The following CDK5RAP2 variants were observed in gnomAD, a reference collection of about 807,000 sequenced individuals.
CDK5RAP2 encodes CDK5 regulatory subunit-associated protein 2.
CDK5RAP2 carries 147 observed loss-of-function variants against 232.9 expected under a neutral mutation model. The ratio of observed to expected loss-of-function variants is 0.63; its 90% CI spans 0.55 to 0.72. The LOEUF is 0.72. Among genes scored for constraint, CDK5RAP2 ranks in the 30% least tolerant of loss-of-function variants. The pLI is 0.00. For synonymous variants in CDK5RAP2, 833 were observed against 833.7 expected (o/e 1.00, Z 0.01); for missense variants, 2,195 against 2,231.5 (o/e 0.98, Z 0.33).
chr9:120,534,302 G>C (rs181676125), intron 7 of CDK5RAP2, among the ~76,000 whole-genome samples: 71 of 152,106 alleles, frequency 4.7e-4, no homozygotes, highest in African/African-American at 1.6e-3. Context: ...ACTTCCACTC[G>C]CACTGTTCCT....
At chr9:120,565,032 G>C (rs2042599321) in intron 3 of CDK5RAP2, among the ~76,000 whole-genome samples, 1 of 152,154 alleles carries the variant, frequency 6.6e-6, no homozygotes, top group Admixed American at 6.5e-5. Context: ...CAGCTAATGA[G>C]GATATTAGAC....
At chr9:120,435,148 CT>C (rs1193182293) in intron 25 of CDK5RAP2, among the ~76,000 whole-genome samples, 1 of 152,148 alleles carries the variant, frequency 6.6e-6, no homozygotes. Flanking sequence ...AACCAAACAA[CT>C]TTTAAATTCA....
chr9:120,573,694 G>A (rs1348333900), intron 1 of CDK5RAP2, among the ~76,000 whole-genome samples: 1 of 152,136 alleles, frequency 6.6e-6, no homozygotes, highest in Non-Finnish European at 1.5e-5. Flanking sequence ...AAATAGGTGG[G>A]CTACAGATAT....
chr9:120,398,802 C>T (rs1029190829), intron 35 of CDK5RAP2, among the ~76,000 whole-genome samples: 1 of 152,128 alleles, frequency 6.6e-6, no homozygotes, highest in Non-Finnish European at 1.5e-5. Flanking sequence ...TACACACTTT[C>T]CAGAGCAGTC....
intron 1 of CDK5RAP2, 23 bp from the exon 2 acceptor site, chr9:120,572,064 A>G: frequency 6.4e-7 from 1 of 1,561,544 alleles, no homozygotes; most frequent in African/African-American, 1.4e-5. Flanking sequence ...ACATGAGATA[A>G]GAGATGAGCT....
intron 3 of CDK5RAP2, among the ~76,000 whole-genome samples, chr9:120,559,586 A>C (rs2042387651): frequency 6.6e-6 from 1 of 151,722 alleles, no homozygotes; most frequent in Non-Finnish European, 1.5e-5. Flanking sequence ...AAAAAAAAAA[A>C]AAACTTGAGG....
intron 5 of CDK5RAP2, among the ~76,000 whole-genome samples, chr9:120,544,856 ATGAGCTCT>A (rs1430450420): frequency 6.6e-6 from 1 of 152,120 alleles, no homozygotes; most frequent in Non-Finnish European, 1.5e-5. Flanking sequence ...CCAGTCTCTG[ATGAGCTCT>A]TGGAGTAGAA....
At chr9:120,457,206 T>G (rs1214002168) in intron 20 of CDK5RAP2, among the ~76,000 whole-genome samples, 1 of 152,128 alleles carries the variant, frequency 6.6e-6, no homozygotes. Flanking sequence ...AGAGCAAAGA[T>G]GAGATTCCAG....
chr9:120,501,443 TC>T (rs2039571520), intron 12 of CDK5RAP2, among the ~76,000 whole-genome samples: 1 of 152,212 alleles, frequency 6.6e-6, no homozygotes, highest in Admixed American at 6.5e-5. Flanking sequence ...GAATGCAAGT[TC>T]CATGAGGGCA....
intron 3 of CDK5RAP2, among the ~76,000 whole-genome samples, chr9:120,551,871 T>C (rs1164346709): frequency 6.6e-6 from 1 of 152,132 alleles, no homozygotes; most frequent in East Asian, 1.9e-4. Flanking sequence ...AAGAGTGCTG[T>C]GTGCAAAATA....
At chr9:120,461,625 G>C (rs2037093289) in intron 18 of CDK5RAP2, among the ~76,000 whole-genome samples, 1 of 152,176 alleles carries the variant, frequency 6.6e-6, no homozygotes, top group Non-Finnish European at 1.5e-5. Flanking sequence ...CAGATTGCTT[G>C]AGTCCAGCAG....
intron 10 of CDK5RAP2, among the ~76,000 whole-genome samples, chr9:120,527,449 A>G (rs2040953592): frequency 1.4e-5 from 2 of 138,462 alleles, no homozygotes; most frequent in African/African-American, 5.0e-5. Context: ...CTTAGTTCTG[A>G]AAAAAAAAAG....
intron 16 of CDK5RAP2, 81 bp from the exon 17 acceptor site, chr9:120,470,301 C>G (rs2037624402): frequency 1.5e-6 from 1 of 684,424 alleles, no homozygotes; most frequent in Admixed American, 2.8e-5. Flanking sequence ...AGACTGACCC[C>G]AGTGCAATCC....
At chr9:120,473,952 T>C (rs1231002070) in intron 15 of CDK5RAP2, among the ~76,000 whole-genome samples, 2 of 152,090 alleles carry the variant, frequency 1.3e-5, no homozygotes, top group Non-Finnish European at 2.9e-5. Context: ...GAACAAAAGG[T>C]GCTTCACTCA....
Position 120,424,394 on chromosome 9 carries a change from A to G in CDK5RAP2, c.3956-1653T>C, listed in dbSNP as rs79109481. Among the ~76,000 whole-genome samples the G allele has an allele frequency of 2.2e-3, 329 of 152,282 alleles. 3 individuals are homozygous for G. Among genetic ancestry groups the G allele is most frequent in the African/African-American group, 7.6e-3 (316 of 41,552 alleles). On this transcript the variant is annotated intron_variant, in intron 25 of 37. Coordinates refer to ENST00000349780, the MANE Select transcript of CDK5RAP2 (RefSeq NM_018249.6). Reference sequence around the variant, plus strand: ...AGACTCCACATTTCTGTCCTCTACAATCCTCTTCAAGGGGGAAATCCAAAC... The same window carrying G: ...AGACTCCACATTTCTGTCCTCTACAGTCCTCTTCAAGGGGGAAATCCAAAC...
intron 23 of CDK5RAP2, among the ~76,000 whole-genome samples, chr9:120,441,426 G>GA (rs748371003): frequency 5.3e-5 from 8 of 151,570 alleles, no homozygotes; most frequent in African/African-American, 1.9e-4. Flanking sequence ...TCTGCAAAAA[G>GA]AAAAAAAAGG....
chr9:120,490,426 G>A (rs1419740435), intron 13 of CDK5RAP2, among the ~76,000 whole-genome samples: 2 of 152,128 alleles, frequency 1.3e-5, no homozygotes, highest in African/African-American at 2.4e-5. Flanking sequence ...CTGGTTTAAG[G>A]TCTCCAGAGA....
chr9:120,440,057 G>C, intron 23 of CDK5RAP2, 85 bp from the exon 24 acceptor site: 1 of 1,177,346 alleles, frequency 8.5e-7, no homozygotes, highest in Non-Finnish European at 1.2e-6. Context: ...GCCAAGCCAA[G>C]ACCACTGCAG....
intron 12 of CDK5RAP2, among the ~76,000 whole-genome samples, chr9:120,494,806 C>T (rs2039084781): frequency 1.0e-5 from 1 of 96,880 alleles, no homozygotes; most frequent in African/African-American, 7.4e-5. Context: ...GGGCTGGGGT[C>T]GGTGGCTTAG....
Sources: allele counts gnomAD v4.1 joint callset (sites outside exome capture counted in the v4.1 genomes callset), GRCh38; gene constraint gnomAD v4.1.1; transcripts MANE v1.5; gene names NCBI Gene and HGNC (gene_info 2026-07-23, HGNC 2026-07-21).